The following ENPEP variants were observed in gnomAD, a reference collection of about 807,000 sequenced individuals.
ENPEP encodes glutamyl aminopeptidase, also known as AP-A.
ENPEP carries 103 observed loss-of-function variants against 114.5 expected under a neutral mutation model. The observed-to-expected ratio is 0.90, with a 90% confidence interval of 0.77 to 1.06. The LOEUF (loss-of-function observed/expected upper bound fraction) is 1.06, where lower values mean the gene tolerates loss of function less well. Ranked by LOEUF, ENPEP falls within the 50% of genes least tolerant of loss-of-function variation. The probability of loss-of-function intolerance (pLI) is 0.00; values close to 1 mark genes in which losing one functional copy is unlikely to be tolerated. For missense variants in ENPEP, 1,196 were observed against 1,161.3 expected (o/e 1.03, Z -0.43); for synonymous variants, 420 against 422.0 (o/e 1.00, Z 0.06).
intron 18 of ENPEP, 96 bp from the exon 19 acceptor site, chr4:110,559,551 T>C: frequency 2.2e-6 from 2 of 892,500 alleles, no homozygotes; most frequent in Non-Finnish European, 1.8e-6. Flanking sequence ...AAGTTACTTT[T>C]AAAAACTATG....
At chr4:110,529,929 G>T (rs1463526556) in intron 10 of ENPEP, among the ~76,000 whole-genome samples, 2 of 150,256 alleles carry the variant, frequency 1.3e-5, no homozygotes, top group Admixed American at 1.3e-4. Context: ...CAAAAAAATT[G>T]GTTGGGTGTG....
chr4:110,486,680 A>G (rs1351087725), intron 1 of ENPEP, among the ~76,000 whole-genome samples: 1 of 151,842 alleles, frequency 6.6e-6, no homozygotes, highest in Non-Finnish European at 1.5e-5. Context: ...TAAGTTATTT[A>G]TTTATTTGTG....
At position 110,518,386 on chromosome 4, in the gene ENPEP, T is replaced by C. The variant is rs143978982; in HGVS notation, c.1510-1622T>C. Among the ~76,000 whole-genome samples the C allele has an allele frequency of 2.6e-4, 39 of 152,314 alleles. 1 individual carries two copies. In the East Asian group the frequency reaches 7.3e-3, roughly 29 times the overall value. On this transcript the variant is annotated intron_variant, in intron 8 of 19. Coordinates refer to ENST00000265162, the MANE Select transcript of ENPEP (RefSeq NM_001977.4). ...TCTTGGGATACTAGTAACAGAAACA[T>C]TGTTCGTTTCCTTTTGTGCTCACTG...
At chr4:110,546,237 C>T (rs867611780) in intron 13 of ENPEP, among the ~76,000 whole-genome samples, 4 of 151,932 alleles carry the variant, frequency 2.6e-5, no homozygotes, top group African/African-American at 7.2e-5. Flanking sequence ...TGGGGTCCTG[C>T]GTCTTTCTTT....
Position 110,531,198 on chromosome 4 carries a change from T to C in ENPEP, c.1728T>C (p.Gly576=). The C allele has an allele frequency of 6.9e-7, 1 of 1,449,832 alleles. No homozygotes were observed. The highest frequency in any genetic ancestry group is 2.4e-5 in the Admixed American group (1 of 41,440). 89.8% of individuals were successfully genotyped at this position (1,449,832 alleles called of 1,614,324 possible). A position where few individuals can be genotyped will look rare whatever the true frequency, so the allele number is the denominator to read the frequency against. ...ATTTTTCTTTTTAAAAAAATTTTAG[T>C]TATACATGGAATATCCCAGTTAAAT... The part of the protein sequence containing the change: ...ANPSQPPSDL[G]YTWNIPVKWT... Residue 576 remains glycine, a splice_region_variant and synonymous_variant, in exon 11 of 20, where the codon GGT becomes GGC. Transcript: ENST00000265162.
At chr4:110,531,614 AT>A (rs1726409581) in intron 11 of ENPEP, among the ~76,000 whole-genome samples, 1 of 151,852 alleles carries the variant, frequency 6.6e-6, no homozygotes, top group Non-Finnish European at 1.5e-5. Context: ...AAGCCATTGA[AT>A]TTCTTTAACT....
intron 1 of ENPEP, among the ~76,000 whole-genome samples, chr4:110,483,164 G>A (rs1724378126): frequency 6.6e-6 from 1 of 152,022 alleles, no homozygotes; most frequent in African/African-American, 2.4e-5. Flanking sequence ...GGAAAATAAA[G>A]TTAAATAACT....
At chr4:110,545,575 C>T (rs192597246) in intron 13 of ENPEP, among the ~76,000 whole-genome samples, 2 of 152,044 alleles carry the variant, frequency 1.3e-5, no homozygotes, top group East Asian at 1.9e-4. Context: ...CTGGTTTCTC[C>T]AAAGTTAAGG....
At chr4:110,541,374 T>C (rs1385132368) in intron 11 of ENPEP, among the ~76,000 whole-genome samples, 1 of 152,146 alleles carries the variant, frequency 6.6e-6, no homozygotes, top group Non-Finnish European at 1.5e-5. Flanking sequence ...CATCCAGTTG[T>C]GCAATCCATT....
rs1424175089 is a variant in ENPEP at position 110,476,707 on chromosome 4, A to G, written c.293A>G (p.Asn98Ser). Residue 98 changes from asparagine to serine, a missense_variant, in exon 1 of 20, where the codon AAC becomes AGC. Physicochemically the swap from Asn to Ser is conservative, Grantham distance 46 (BLOSUM62 1). Transcript: ENST00000265162. ...WKNFRLPDFVNPVHYDLHVKP... is the reference protein window; with the variant it reads ...WKNFRLPDFVSPVHYDLHVKP... ...AACTTTCGACTGCCGGACTTCGTCAACCCAGTCCACTACGACCTGCACGTG... is the reference window on the plus strand; with the variant it reads ...AACTTTCGACTGCCGGACTTCGTCAGCCCAGTCCACTACGACCTGCACGTG... The G allele has an allele frequency of 2.0e-5, 33 of 1,613,872 alleles. No homozygotes were observed. Among genetic ancestry groups the G allele is most frequent in the Middle Eastern group, 1.7e-4 (1 of 5,810 alleles).
At chr4:110,499,504 T>C (rs1490743160) in intron 3 of ENPEP, among the ~76,000 whole-genome samples, 1 of 152,210 alleles carries the variant, frequency 6.6e-6, no homozygotes, top group Non-Finnish European at 1.5e-5. Flanking sequence ...AAATTATAAA[T>C]AGAGGTCTAC....
Position 110,561,847 on chromosome 4 carries a change from A to G in ENPEP, c.*289A>G, listed in dbSNP as rs1448816. On this transcript the variant is annotated 3_prime_UTR_variant, in exon 20 of 20. Transcript: ENST00000265162. ...AGTTATTTTAATACCTTTAAATATC[A>G]TTCTTTGTATCTTAAATCTGTGAAG... 4,746 of 206,908 alleles carry G rather than the reference A, an allele frequency of 0.023. 78 individuals carry two copies. Among genetic ancestry groups the G allele is most frequent in the Non-Finnish European group, 0.028 (2,948 of 104,484 alleles). The allele number at this position is 206,908 out of a possible 1,614,324, so 12.8% of individuals were successfully genotyped here.
chr4:110,492,469 G>A (rs1015599029), intron 3 of ENPEP, among the ~76,000 whole-genome samples: 13 of 152,180 alleles, frequency 8.5e-5, no homozygotes, highest in Non-Finnish European at 1.6e-4. Context: ...TGTGGTAGGA[G>A]TTGATATTCA....
chr4:110,559,752 G>A (rs1727615261), intron 19 of ENPEP, 27 bp downstream of exon 19: 2 of 1,568,294 alleles, frequency 1.3e-6, no homozygotes, highest in Non-Finnish European at 1.8e-6. Flanking sequence ...CTCTGCATTT[G>A]TCCAAGAAGG....
Position 110,510,301 on chromosome 4 carries a change from A to T in ENPEP, c.1251A>T (p.Gly417=). 6.2e-7 allele frequency: 1 copy of T among 1,614,118 alleles called. No individual in the cohort carries two copies. ...GGGAAGACTTGTGGCTAAATGAAGG[A>T]TTTGCTTCTTTCTTTGAGTTTCTGG... is the stretch of plus-strand genomic sequence containing the variant. The part of the protein sequence containing the change: ...DWWEDLWLNE[G]FASFFEFLGV... The change falls in exon 6 of 20, where the codon GGA becomes GGT. Residue 417 remains glycine (G), a synonymous_variant. Transcript: ENST00000265162.
intron 3 of ENPEP, among the ~76,000 whole-genome samples, chr4:110,500,590 CTTTATA>C (rs1725117791): frequency 1.3e-5 from 2 of 152,106 alleles, no homozygotes; most frequent in South Asian, 2.1e-4. Context: ...GACATACGAA[CTTTATA>C]TTTAAACGTT....
chr4:110,489,852 A>G (rs1392511074), intron 2 of ENPEP, among the ~76,000 whole-genome samples: 1 of 152,214 alleles, frequency 6.6e-6, no homozygotes, highest in Non-Finnish European at 1.5e-5. Context: ...TATTTGAAAT[A>G]TTGTCATTAA....
chr4:110,492,556 C>T (rs1724767470), intron 3 of ENPEP, among the ~76,000 whole-genome samples: 1 of 152,146 alleles, frequency 6.6e-6, no homozygotes, highest in Non-Finnish European at 1.5e-5. Flanking sequence ...GTCCACAGAC[C>T]TTTTCAAAGG....
intron 6 of ENPEP, among the ~76,000 whole-genome samples, chr4:110,511,552 C>G (rs10024396): frequency 0.34 from 51,756 of 151,906 alleles, 9,402 homozygotes; most frequent in African/African-American, 0.44. Flanking sequence ...TTGTGTTGTC[C>G]TTTATTTTCT....
Sources: allele counts gnomAD v4.1 joint callset (sites outside exome capture counted in the v4.1 genomes callset), GRCh38; gene constraint gnomAD v4.1.1; transcripts MANE v1.5; gene names NCBI Gene and HGNC (gene_info 2026-07-23, HGNC 2026-07-21).